Variants in LTBP1 observed in about 807,000 individuals in gnomAD.
LTBP1 encodes the protein latent transforming growth factor beta binding protein 1.
In LTBP1, 129 loss-of-function variants were observed where a neutral mutation model predicts 207.6. That is an observed-to-expected ratio of 0.62 (90% CI 0.54 to 0.72). LTBP1 has a LOEUF of 0.72. Among genes scored for constraint, LTBP1 ranks in the 30% least tolerant of loss-of-function variants. The pLI is 0.00. For missense variants in LTBP1, 2,281 were observed against 2,217.2 expected (o/e 1.03, Z -0.58); for synonymous variants, 963 against 833.7 (o/e 1.16, Z -2.67).
At chr2:32,953,075 C>G (rs1191009944) in intron 2 of LTBP1, among the ~76,000 whole-genome samples, 1 of 152,210 alleles carries the variant, frequency 6.6e-6, no homozygotes, top group African/African-American at 2.4e-5. Context: ...TAGAAAGAAA[C>G]AGAAAATCGA....
chr2:33,227,562 T>C (rs956785799), intron 9 of LTBP1, among the ~76,000 whole-genome samples: 2 of 152,104 alleles, frequency 1.3e-5, no homozygotes, highest in Admixed American at 6.5e-5. Context: ...ACACCCTTAG[T>C]GAAAACCACC....
rs1476085584 is a variant in LTBP1 at position 33,168,785 on chromosome 2, C to T, written c.1202-18071C>T. Among the ~76,000 whole-genome samples the T allele has an allele frequency of 7.9e-5, 12 of 152,274 alleles. No homozygotes were observed. In the East Asian group the frequency reaches 2.3e-3, roughly 29 times the overall value. The stretch of plus-strand genomic sequence containing the variant: ...CTGAGCTTCTTAAATGTCCATCTCT[C>T]CCACAGCTACACAGGCTATTATGTA... On this transcript the variant is annotated intron_variant, in intron 5 of 33. Coordinates refer to ENST00000404816, the MANE Select transcript of LTBP1 (RefSeq NM_206943.4).
intron 4 of LTBP1, among the ~76,000 whole-genome samples, chr2:33,117,333 C>T (rs1048207741): frequency 2.6e-5 from 4 of 152,106 alleles, no homozygotes; most frequent in East Asian, 1.9e-4. Context: ...AGGCTGACAT[C>T]GAGAAGCACG....
intron 3 of LTBP1, among the ~76,000 whole-genome samples, chr2:33,039,170 A>G (rs909903671): frequency 6.6e-6 from 1 of 152,092 alleles, no homozygotes; most frequent in African/African-American, 2.4e-5. Flanking sequence ...CTTCTCTTTG[A>G]GGGTTTGATG....
intron 31 of LTBP1, among the ~76,000 whole-genome samples, chr2:33,378,201 G>A (rs945362263): frequency 4.0e-5 from 6 of 150,618 alleles, no homozygotes; most frequent in Non-Finnish European, 7.4e-5. Flanking sequence ...GTGTGTGTGT[G>A]TGTGTGTGTG....
chr2:33,254,551 T>G (rs2092776624), intron 11 of LTBP1, among the ~76,000 whole-genome samples: 1 of 140,394 alleles, frequency 7.1e-6, no homozygotes, highest in Non-Finnish European at 1.5e-5. Flanking sequence ...TAAACTTGGT[T>G]TTTTTTTTTT....
chr2:33,262,581 A>C, intron 13 of LTBP1, 141 bp from the exon 14 acceptor site: 3 of 383,000 alleles, frequency 7.8e-6, no homozygotes, highest in Non-Finnish European at 1.4e-5. Flanking sequence ...ACAATTATAC[A>C]TGTAAGGTCC....
chr2:33,263,795 T>C (rs1440930093), intron 15 of LTBP1, among the ~76,000 whole-genome samples: 3 of 150,484 alleles, frequency 2.0e-5, no homozygotes, highest in African/African-American at 7.4e-5. Flanking sequence ...CTACTAAAAA[T>C]ACAAAAAATT....
rs1249258471 is a variant in LTBP1, at chr2:33,031,681, A to C, written c.863+10475A>C. On this transcript the variant is annotated intron_variant, in intron 3 of 33. Transcript: ENST00000404816. The stretch of plus-strand genomic sequence containing the variant: ...AGAGTCTGGCCTTTAAATAAATAAC[A>C]GGTGGACGATAGGGTGGGAATGATT... Among the ~76,000 whole-genome samples, 4 of 152,272 alleles carry C rather than the reference A, an allele frequency of 2.6e-5. No homozygotes were observed. The East Asian group carries it at 7.7e-4, about 29-fold the overall frequency.
chr2:33,154,844 C>T (rs1465843225), intron 5 of LTBP1, among the ~76,000 whole-genome samples: 1 of 152,106 alleles, frequency 6.6e-6, no homozygotes, highest in Non-Finnish European at 1.5e-5. Flanking sequence ...GGGAGGATAG[C>T]TTGACGTCAA....
At chr2:33,349,977 T>C (rs1208423686) in intron 26 of LTBP1, among the ~76,000 whole-genome samples, 1 of 152,200 alleles carries the variant, frequency 6.6e-6, no homozygotes, top group Non-Finnish European at 1.5e-5. Context: ...AGCAGTGATA[T>C]TTTACAGAGG....
intron 24 of LTBP1, among the ~76,000 whole-genome samples, chr2:33,331,142 GT>G (rs1323690353): frequency 6.6e-6 from 1 of 151,542 alleles, no homozygotes; most frequent in Non-Finnish European, 1.5e-5. Flanking sequence ...CTCTTGATCA[GT>G]TTTCCTAGGG....
chr2:32,994,956 G>A (rs1030921760), intron 2 of LTBP1, among the ~76,000 whole-genome samples: 1 of 152,186 alleles, frequency 6.6e-6, no homozygotes, highest in Non-Finnish European at 1.5e-5. Context: ...TCAGGAGGCT[G>A]AGGTGGGAAG....
At chr2:33,267,312 C>A (rs1366245441) in intron 15 of LTBP1, among the ~76,000 whole-genome samples, 1 of 152,334 alleles carries the variant, frequency 6.6e-6, no homozygotes, top group East Asian at 1.9e-4. Flanking sequence ...CAAGCACAGC[C>A]TGCTGGGCTG....
intron 7 of LTBP1, among the ~76,000 whole-genome samples, chr2:33,211,679 C>T (rs2090327659): frequency 6.6e-6 from 1 of 152,180 alleles, no homozygotes; most frequent in African/African-American, 2.4e-5. Flanking sequence ...ACGTTGTAGG[C>T]ACTATAGGTA....
intron 9 of LTBP1, among the ~76,000 whole-genome samples, chr2:33,227,721 C>T (rs1311997667): frequency 3.3e-5 from 5 of 151,706 alleles, no homozygotes; most frequent in African/African-American, 1.2e-4. Context: ...TTTTGTGAAC[C>T]CAGAGGCCCA....
At chr2:33,259,757 C>CA in intron 13 of LTBP1, 147 bp downstream of exon 13, 8 of 624,018 alleles carry the variant, frequency 1.3e-5, no homozygotes, top group Non-Finnish European at 2.5e-6. Flanking sequence ...TCAGTTATTC[C>CA]AAAAAAATTT....
intron 31 of LTBP1, among the ~76,000 whole-genome samples, chr2:33,376,748 C>G (rs974213067): frequency 6.6e-6 from 1 of 152,120 alleles, no homozygotes; most frequent in Non-Finnish European, 1.5e-5. Flanking sequence ...ATATCCTCAC[C>G]CCACTGAGAT....
At chr2:33,013,682 G>A (rs1039540698) in intron 2 of LTBP1, among the ~76,000 whole-genome samples, 11 of 152,044 alleles carry the variant, frequency 7.2e-5, no homozygotes, top group Non-Finnish European at 1.2e-4. Context: ...ATTTAATTAC[G>A]TTATATTCTG....
Sources: gnomAD v4.1 joint callset for allele counts (sites outside exome capture counted in the v4.1 genomes callset) on GRCh38, gnomAD v4.1.1 for gene constraint, MANE v1.5 for transcripts, NCBI Gene and HGNC (gene_info 2026-07-23, HGNC 2026-07-21) for gene names.